Variants in CDH13 observed in about 807,000 individuals in gnomAD.
The protein encoded by CDH13 is cadherin 13, also known as cadherin-13.
In CDH13, 24 loss-of-function variants were observed where a neutral mutation model predicts 63.8. That is an observed-to-expected ratio of 0.38 (90% confidence interval 0.27 to 0.53). The LOEUF (loss-of-function observed/expected upper bound fraction) is 0.53. Ranked by LOEUF, CDH13 falls within the 20% of genes least tolerant of loss-of-function variation. The pLI is 0.85. For missense variants in CDH13, 1,049 were observed against 903.1 expected, an observed-to-expected ratio of 1.16 and a Z score of -2.07; for synonymous variants, 503 against 355.3, an observed-to-expected ratio of 1.42 and a Z score of -4.67.
intron 5 of CDH13, among the ~76,000 whole-genome samples, chr16:83,298,774 A>G (rs1175957064): frequency 1.3e-5 from 2 of 152,234 alleles, no homozygotes; most frequent in African/African-American, 4.8e-5. Context: ...TTCACTGAGC[A>G]TTACATGAGA....
In CDH13 at chr16:82,762,740, G is replaced by A. The variant is rs573198750; in HGVS notation, c.46-95622G>A. On this transcript the variant is annotated intron_variant, in intron 1 of 13. Coordinates refer to ENST00000567109, the MANE Select transcript of CDH13 (RefSeq NM_001257.5). ...GCAAAACTTGGGTGCCAAAAGCAAA[G>A]ACCTGCTGTGTTGGAGAAAGAGGAA... Among the ~76,000 whole-genome samples, 6 of 152,310 alleles carry A rather than the reference G, an allele frequency of 3.9e-5. No homozygotes were observed. The South Asian group carries it at 8.3e-4, about 21-fold the overall frequency.
At chr16:83,342,630 C>A (rs966382821) in intron 5 of CDH13, among the ~76,000 whole-genome samples, 1 of 152,128 alleles carries the variant, frequency 6.6e-6, no homozygotes, top group African/African-American at 2.4e-5. Flanking sequence ...TCAATGGTGT[C>A]TCCTTAGTTT....
intron 2 of CDH13, among the ~76,000 whole-genome samples, chr16:82,974,096 T>G (rs937625668): frequency 5.3e-5 from 8 of 152,052 alleles, no homozygotes; most frequent in Non-Finnish European, 8.8e-5. Flanking sequence ...CCAACTGTTT[T>G]GTTTGTTTGT....
At chr16:83,415,255 C>T (rs1349769497) in intron 6 of CDH13, among the ~76,000 whole-genome samples, 1 of 151,952 alleles carries the variant, frequency 6.6e-6, no homozygotes, top group African/African-American at 2.4e-5. Context: ...CCGAACGGAC[C>T]CATAACTCAT....
At chr16:83,482,424 T>C (rs890819498) in intron 6 of CDH13, among the ~76,000 whole-genome samples, 1 of 152,242 alleles carries the variant, frequency 6.6e-6, no homozygotes, top group Non-Finnish European at 1.5e-5. Flanking sequence ...AGATTGATGC[T>C]GTAAGCGTGC....
At chr16:83,602,912 A>G (rs896886644) in intron 8 of CDH13, among the ~76,000 whole-genome samples, 3 of 152,206 alleles carry the variant, frequency 2.0e-5, no homozygotes, top group Non-Finnish European at 4.4e-5. Context: ...TGAGAGTCCC[A>G]CTGTGATTTT....
At chr16:82,798,619 C>T (rs149027985) in intron 1 of CDH13, among the ~76,000 whole-genome samples, 51 of 152,198 alleles carry the variant, frequency 3.4e-4, no homozygotes, top group African/African-American at 1.2e-3. Context: ...AGACACTTCC[C>T]CATTCTAGGA....
intron 4 of CDH13, among the ~76,000 whole-genome samples, chr16:83,211,805 G>A (rs1381212951): frequency 6.6e-6 from 1 of 151,996 alleles, no homozygotes; most frequent in Non-Finnish European, 1.5e-5. Flanking sequence ...CAGGTATGAG[G>A]CAAGACTCCT....
intron 8 of CDH13, among the ~76,000 whole-genome samples, chr16:83,646,712 A>AAAAAAAAAAAAAAAC (rs1168012793): frequency 2.5e-5 from 2 of 80,490 alleles, no homozygotes; most frequent in African/African-American, 4.5e-5. Flanking sequence ...AAAAAAAAAA[A>AAAAAAAAAAAAAAAC]ACACACACAC....
intron 1 of CDH13, among the ~76,000 whole-genome samples, chr16:82,772,678 C>T (rs571412962): frequency 3.3e-5 from 5 of 152,294 alleles, no homozygotes; most frequent in Admixed American, 6.5e-5. Flanking sequence ...AGGTAGATTT[C>T]ATCATCATCA....
intron 3 of CDH13, among the ~76,000 whole-genome samples, chr16:83,075,037 A>G (rs1188610225): frequency 6.6e-6 from 1 of 152,170 alleles, no homozygotes; most frequent in Non-Finnish European, 1.5e-5. Flanking sequence ...ATGAGGGGTA[A>G]GATCTGTAGA....
At chr16:83,186,325 G>T (rs2038523567) in intron 4 of CDH13, among the ~76,000 whole-genome samples, 1 of 151,784 alleles carries the variant, frequency 6.6e-6, no homozygotes, top group Non-Finnish European at 1.5e-5. Flanking sequence ...TTTTAGTAGA[G>T]ATGGGGTTTC....
At chr16:83,038,098 A>G (rs1917024947) in intron 3 of CDH13, among the ~76,000 whole-genome samples, 1 of 152,166 alleles carries the variant, frequency 6.6e-6, no homozygotes, top group Non-Finnish European at 1.5e-5. Flanking sequence ...CCTAACCAAA[A>G]CAGGGGCGAT....
At chr16:83,286,636 G>T (rs971241798) in intron 5 of CDH13, among the ~76,000 whole-genome samples, 2 of 151,774 alleles carry the variant, frequency 1.3e-5, no homozygotes, top group South Asian at 4.2e-4. Context: ...TGCGCTGGTA[G>T]TCCCAGCTAC....
chr16:82,916,403 G>T (rs13332124), intron 2 of CDH13, among the ~76,000 whole-genome samples: 1 of 151,976 alleles, frequency 6.6e-6, no homozygotes, highest in African/African-American at 2.4e-5. Context: ...GTGAAACCCC[G>T]TCTCTACTAA....
At chr16:83,130,815 C>T (rs998406186) in intron 4 of CDH13, among the ~76,000 whole-genome samples, 2 of 152,050 alleles carry the variant, frequency 1.3e-5, no homozygotes, top group East Asian at 3.9e-4. Context: ...TTTTTTTGGT[C>T]ATATTTTATT....
chr16:82,698,097 C>G (rs753508114), intron 1 of CDH13, among the ~76,000 whole-genome samples: 2 of 152,174 alleles, frequency 1.3e-5, no homozygotes, highest in Non-Finnish European at 2.9e-5. Flanking sequence ...TGGAATTTAA[C>G]TTGGACAGGC....
At chr16:82,782,363 C>T (rs565540286) in intron 1 of CDH13, among the ~76,000 whole-genome samples, 13 of 152,260 alleles carry the variant, frequency 8.5e-5, no homozygotes, top group African/African-American at 2.6e-4. Context: ...AGTTGGAGAC[C>T]AGCCTGGCCA....
chr16:83,687,050 A>G (rs1308865613), intron 10 of CDH13, among the ~76,000 whole-genome samples: 1 of 152,138 alleles, frequency 6.6e-6, no homozygotes, highest in Non-Finnish European at 1.5e-5. Flanking sequence ...TCTGTACTAA[A>G]AATACAAAAA....
Sources: allele counts gnomAD v4.1 joint callset (sites outside exome capture counted in the v4.1 genomes callset), GRCh38; gene constraint gnomAD v4.1.1; transcripts MANE v1.5; gene names NCBI Gene and HGNC (gene_info 2026-07-23, HGNC 2026-07-21).